The following AUTS2 variants were observed in gnomAD, a reference collection of about 807,000 sequenced individuals.
AUTS2 encodes the protein activator of transcription and developmental regulator AUTS2, also known as autism susceptibility gene 2 protein.
A neutral mutation model predicts 112.4 loss-of-function variants in AUTS2; 17 were observed. That is an observed-to-expected ratio of 0.15 (90% CI 0.10 to 0.23). The LOEUF (loss-of-function observed/expected upper bound fraction) is 0.23, where lower values mean the gene tolerates loss of function less well. Ranked by LOEUF, AUTS2 falls within the 10% of genes least tolerant of loss-of-function variation. The pLI is 1.00. For missense variants in AUTS2, 1,510 were observed against 1,701.6 expected, an observed-to-expected ratio of 0.89 and a Z score of 1.98; for synonymous variants, 751 against 702.7, an observed-to-expected ratio of 1.07 and a Z score of -1.09.
At position 70,191,161 on chromosome 7, in the gene AUTS2, C is replaced by CTTTT. The variant is rs34637651; in HGVS notation, c.660+56612_660+56615dup. ...GCTTTCAAATGTCATCCACTTATTT[C>CTTTT]TTTTTTTTTTTTTTTTTTTTTTTTT... On this transcript the variant is annotated intron_variant, in intron 4 of 18. Coordinates refer to ENST00000342771, the MANE Select transcript of AUTS2 (RefSeq NM_015570.4). Among the ~76,000 whole-genome samples the CTTTT allele has an allele frequency of 2.2e-3, 193 of 86,418 alleles. 1 individual carries two copies. Among genetic ancestry groups the CTTTT allele is most frequent in the Non-Finnish European group, 2.6e-3 (126 of 47,578 alleles). The allele number at this position is 86,418 out of a possible 152,430, so 56.7% of individuals were successfully genotyped here.
At chr7:69,602,010 A>ATG (rs72245364) in intron 1 of AUTS2, among the ~76,000 whole-genome samples, 88 of 140,784 alleles carry the variant, frequency 6.3e-4, no homozygotes, top group Non-Finnish European at 1.1e-3. Context: ...GTAGGGATAT[A>ATG]TGTGTGTGTG....
chr7:70,597,015 T>A (rs1585352942), intron 5 of AUTS2, among the ~76,000 whole-genome samples: 1 of 152,276 alleles, frequency 6.6e-6, no homozygotes, highest in African/African-American at 2.4e-5. Flanking sequence ...AATTAAGAGT[T>A]TATATAATTA....
chr7:69,604,442 C>T (rs1199380748), intron 1 of AUTS2, among the ~76,000 whole-genome samples: 6 of 152,094 alleles, frequency 3.9e-5, no homozygotes, highest in Non-Finnish European at 2.9e-5. Context: ...TTGATAAAGC[C>T]AGCACCTATG....
At chr7:70,502,420 G>A (rs906585873) in intron 5 of AUTS2, among the ~76,000 whole-genome samples, 4 of 152,178 alleles carry the variant, frequency 2.6e-5, no homozygotes, top group African/African-American at 9.7e-5. Flanking sequence ...ATAGGAGATG[G>A]CCTGCATCTG....
chr7:70,145,941 A>T (rs1174780198), intron 4 of AUTS2, among the ~76,000 whole-genome samples: 4 of 152,130 alleles, frequency 2.6e-5, no homozygotes, highest in Non-Finnish European at 5.9e-5. Flanking sequence ...TTTTCAAGTC[A>T]AGGTGCCAAT....
chr7:70,748,632 G>A (rs17142037), intron 6 of AUTS2, among the ~76,000 whole-genome samples: 37,264 of 152,026 alleles, frequency 0.25, 5,966 homozygotes, highest in East Asian at 0.62. Context: ...TTAAAAGACC[G>A]CGTTCTGGAA....
chr7:70,197,374 G>C (rs1407058281), intron 4 of AUTS2, among the ~76,000 whole-genome samples: 1 of 151,780 alleles, frequency 6.6e-6, no homozygotes, highest in African/African-American at 2.4e-5. Context: ...CCGGTCTACA[G>C]CTCCCAGCGT....
chr7:70,148,307 G>A lies in AUTS2; in HGVS notation c.660+13736G>A, dbSNP rs1807243669. ...CATTTCAGTTTATAAAATCAGAATTGTTATGAGTTATAAATAGCTTAAGAA... is the reference window on the plus strand; with the variant it reads ...CATTTCAGTTTATAAAATCAGAATTATTATGAGTTATAAATAGCTTAAGAA... On this transcript the variant is annotated intron_variant, in intron 4 of 18. Coordinates refer to ENST00000342771, the MANE Select transcript of AUTS2 (RefSeq NM_015570.4). Among the ~76,000 whole-genome samples the A allele has an allele frequency of 3.9e-5, 6 of 152,060 alleles. No individual in the cohort carries two copies. The South Asian group carries it at 1.2e-3, about 31-fold the overall frequency.
intron 2 of AUTS2, among the ~76,000 whole-genome samples, chr7:69,920,821 A>G (rs552224735): frequency 8.5e-5 from 13 of 152,282 alleles, no homozygotes; most frequent in Admixed American, 3.9e-4. Flanking sequence ...CTGTGTTTCA[A>G]ACCTGAGAGA....
chr7:70,676,024 T>G (rs1807892755), intron 5 of AUTS2, among the ~76,000 whole-genome samples: 1 of 152,228 alleles, frequency 6.6e-6, no homozygotes, highest in Non-Finnish European at 1.5e-5. Context: ...AAGGTTTCTT[T>G]CTACCTGTGT....
At chr7:69,858,019 C>T (rs549606437) in intron 1 of AUTS2, among the ~76,000 whole-genome samples, 2 of 152,214 alleles carry the variant, frequency 1.3e-5, no homozygotes, top group African/African-American at 4.8e-5. Flanking sequence ...GCCCTGAGCA[C>T]AGGTGTTAGG....
chr7:70,787,293 G>A lies in AUTS2; in HGVS notation c.2393G>A (p.Arg798Gln), dbSNP rs758533465. The change falls in exon 18 of 19, where the codon CGA becomes CAA. Residue 798 changes from arginine to glutamine, a missense_variant. Transcript: ENST00000342771. ...CACGAACCCTGGAACCGGCTGCACC[G>A]AACGCCTCCGTCGTTCCCGACCCCT... is the stretch of plus-strand genomic sequence containing the variant. Reference protein sequence around the residue: ...NPHEPWNRLHRTPPSFPTPPP... With the variant: ...NPHEPWNRLHQTPPSFPTPPP... 9.9e-6 allele frequency: 16 copies of A among 1,614,104 alleles called. No homozygotes were observed. The highest frequency in any genetic ancestry group is 1.3e-5 in the African/African-American group (1 of 74,950).
chr7:69,605,983 G>A (rs1792692518), intron 1 of AUTS2, among the ~76,000 whole-genome samples: 1 of 152,202 alleles, frequency 6.6e-6, no homozygotes, highest in African/African-American at 2.4e-5. Context: ...AGATGTGGTT[G>A]AACGTTGTGA....
At chr7:70,518,892 C>T (rs375232496) in intron 5 of AUTS2, among the ~76,000 whole-genome samples, 11 of 151,976 alleles carry the variant, frequency 7.2e-5, no homozygotes, top group African/African-American at 2.2e-4. Flanking sequence ...TTAGTAGAGA[C>T]GGGGTTTTAC....
rs540630052 is a variant in AUTS2 at position 70,104,933 on chromosome 7, A to G, written c.523-13199A>G. The stretch of plus-strand genomic sequence containing the variant: ...TGGTTTAATAGTTGATTTAAACTTT[A>G]AGATTATCTTCGTGCATGTGGATTA... On this transcript the variant is annotated intron_variant, in intron 2 of 18. Coordinates refer to ENST00000342771, the MANE Select transcript of AUTS2 (RefSeq NM_015570.4). Among the ~76,000 whole-genome samples, 265 of 152,348 alleles carry G rather than the reference A, an allele frequency of 1.7e-3. 8 individuals are homozygous for G. In the South Asian group the frequency reaches 0.051, roughly 29 times the overall value.
intron 4 of AUTS2, among the ~76,000 whole-genome samples, chr7:70,346,141 TGTCAG>T (rs1791486421): frequency 6.6e-6 from 1 of 152,222 alleles, no homozygotes; most frequent in African/African-American, 2.4e-5. Flanking sequence ...TCTGGTACTA[TGTCAG>T]GTGGTAGAGC....
chr7:70,137,105 G>C (rs548843733), intron 4 of AUTS2, among the ~76,000 whole-genome samples: 1 of 152,270 alleles, frequency 6.6e-6, no homozygotes, highest in African/African-American at 2.4e-5. Flanking sequence ...TATCTCCTTG[G>C]TTTTGTGTTC....
chr7:70,653,956 C>T (rs553187115), intron 5 of AUTS2, among the ~76,000 whole-genome samples: 2 of 152,106 alleles, frequency 1.3e-5, no homozygotes, highest in Non-Finnish European at 2.9e-5. Context: ...ATGATAATAT[C>T]ATCATCCTGC....
At chr7:70,429,454 T>C (rs1795561994) in intron 4 of AUTS2, among the ~76,000 whole-genome samples, 2 of 152,236 alleles carry the variant, frequency 1.3e-5, no homozygotes, top group South Asian at 4.1e-4. Flanking sequence ...AATGTCAGGC[T>C]TTTAGGTAGA....
Sources: allele counts gnomAD v4.1 joint callset (sites outside exome capture counted in the v4.1 genomes callset), GRCh38; gene constraint gnomAD v4.1.1; transcripts MANE v1.5; gene names NCBI Gene and HGNC (gene_info 2026-07-23, HGNC 2026-07-21).